The following RELN variants were observed in gnomAD, a reference collection of about 807,000 sequenced individuals.
The protein encoded by RELN is reelin.
A neutral mutation model predicts 427.6 loss-of-function variants in RELN; 108 were observed. The ratio of observed to expected loss-of-function variants is 0.25; its 90% CI spans 0.22 to 0.30. The LOEUF (loss-of-function observed/expected upper bound fraction) is 0.30, where lower values mean the gene tolerates loss of function less well. RELN is among the 10% of genes least tolerant of loss of function. The pLI, the probability that RELN is intolerant of heterozygous loss-of-function variation, is 1.00. For missense variants in RELN, 3,715 were observed against 4,302.8 expected, an observed-to-expected ratio of 0.86 and a Z score of 3.82; for synonymous variants, 1,524 against 1,513.4, an observed-to-expected ratio of 1.01 and a Z score of -0.16.
intron 3 of RELN, among the ~76,000 whole-genome samples, chr7:103,809,944 A>C (rs1459499299): frequency 6.6e-6 from 1 of 152,208 alleles, no homozygotes; most frequent in Non-Finnish European, 1.5e-5. Context: ...CATATTTTTT[A>C]ACCCACTAAA....
In RELN at chr7:103,787,501, T is replaced by C. The variant is rs1032198811; in HGVS notation, c.474-10874A>G. ...GTCACAATAAAAATGATAAACGGGG[T>C]ATCACCACTGATCCCACAGAAATAC... On this transcript the variant is annotated intron_variant, in intron 3 of 64. Transcript: ENST00000428762. Among the ~76,000 whole-genome samples, 8 of 151,980 alleles carry C rather than the reference T, an allele frequency of 5.3e-5. No homozygotes were observed. The East Asian group carries it at 9.7e-4, about 18-fold the overall frequency.
chr7:103,947,611 G>T (rs1250146443), intron 1 of RELN, among the ~76,000 whole-genome samples: 2 of 152,156 alleles, frequency 1.3e-5, no homozygotes, highest in Admixed American at 6.6e-5. Flanking sequence ...ATCCTCTAGA[G>T]CTGTGAGACA....
Position 103,989,191 on chromosome 7 carries a change from G to C in RELN, c.166C>G (p.Leu56Val), listed in dbSNP as rs777758550. The C allele has an allele frequency of 6.2e-7, 1 of 1,614,026 alleles. No homozygotes were observed. The highest frequency in any genetic ancestry group is 1.1e-5 in the South Asian group (1 of 91,090). The stretch of plus-strand genomic sequence containing the variant: ...TTGCCCGCAATATGCAGGGAAATGA[G>C]CACCTCGCCCTGCTCCCCATCCCCT... ...LEGDGEQGEV[L>V]ISLHIAGNPT... Residue 56 changes from leucine (L) to valine (V), a missense_variant, in exon 1 of 65, where the codon CTC (leucine) becomes GTC (valine). Around this residue, in one of 4 missense-constraint regions of RELN, gnomAD observed 2,208 missense variants for 2,361.7 expected, o/e 0.93. Transcript: ENST00000428762. This position sits in a 1 kb window ranked among gnomAD's most constrained non-coding sequence, Gnocchi z 4.9.
At chr7:103,552,734 T>A (rs1307968781) in intron 40 of RELN, among the ~76,000 whole-genome samples, 1 of 152,028 alleles carries the variant, frequency 6.6e-6, no homozygotes, top group Admixed American at 6.6e-5. Context: ...ACTCCTGACC[T>A]CATGATCTGC....
At chr7:103,770,592 G>A (rs934597956) in intron 4 of RELN, among the ~76,000 whole-genome samples, 2 of 152,102 alleles carry the variant, frequency 1.3e-5, no homozygotes, top group African/African-American at 4.8e-5. Flanking sequence ...TGGAGAGAGG[G>A]AGAGAAAATC....
chr7:103,900,506 A>G (rs941553450), intron 2 of RELN, among the ~76,000 whole-genome samples: 1 of 152,236 alleles, frequency 6.6e-6, no homozygotes, highest in East Asian at 1.9e-4. Context: ...CCTGGGCAAG[A>G]AAAACAAAGC....
chr7:103,664,528 A>G (rs1269754328), intron 11 of RELN, among the ~76,000 whole-genome samples: 2 of 152,200 alleles, frequency 1.3e-5, no homozygotes, highest in African/African-American at 4.8e-5. Flanking sequence ...TATATCTAGA[A>G]GTGGAGTTGC....
chr7:103,888,916 C>T (rs1244260798), intron 2 of RELN, among the ~76,000 whole-genome samples: 1 of 152,176 alleles, frequency 6.6e-6, no homozygotes, highest in African/African-American at 2.4e-5. Flanking sequence ...ACTTATCATC[C>T]TGGATTTCTG....
intron 1 of RELN, among the ~76,000 whole-genome samples, chr7:103,927,666 A>T (rs545235286): frequency 1.8e-4 from 28 of 152,290 alleles, no homozygotes; most frequent in African/African-American, 6.5e-4. Context: ...TGTACTTTTT[A>T]TTTTACAGCA....
chr7:103,738,384 T>A (rs994877271), intron 6 of RELN, among the ~76,000 whole-genome samples: 1 of 151,948 alleles, frequency 6.6e-6, no homozygotes, highest in Non-Finnish European at 1.5e-5. Context: ...CTATGTCTTA[T>A]TTTTTTCATT....
intron 20 of RELN, among the ~76,000 whole-genome samples, chr7:103,616,657 TAC>T (rs1424854820): frequency 6.6e-6 from 1 of 152,098 alleles, no homozygotes; most frequent in Non-Finnish European, 1.5e-5. Flanking sequence ...TTCTCATGTG[TAC>T]ACACACATAC....
intron 20 of RELN, 80 bp from the exon 21 acceptor site, chr7:103,611,883 T>A: frequency 9.3e-7 from 1 of 1,075,530 alleles, no homozygotes; most frequent in Non-Finnish European, 1.4e-6. Context: ...CTTCACACTA[T>A]ATACCAAAAT....
chr7:103,837,970 G>A (rs528381837), intron 2 of RELN, among the ~76,000 whole-genome samples: 1 of 152,254 alleles, frequency 6.6e-6, no homozygotes, highest in Admixed American at 6.5e-5. Flanking sequence ...CACTTTGGGA[G>A]GCCGAGGTGG....
chr7:103,586,492 C>T (rs1051519468), intron 28 of RELN, among the ~76,000 whole-genome samples: 4 of 152,074 alleles, frequency 2.6e-5, no homozygotes, highest in African/African-American at 9.7e-5. Context: ...GGATGCTCAC[C>T]CTCTCTACTC....
chr7:103,805,933 A>AT lies in RELN; in HGVS notation c.473+27603dup, dbSNP rs112996969. ...GCATTGACTCACTATGGTCCATAGA[A>AT]TTTTTTTTTCACACAAAAGAGAAAA... On this transcript the variant is annotated intron_variant, in intron 3 of 64. Transcript: ENST00000428762. Among the ~76,000 whole-genome samples the AT allele has an allele frequency of 8.6e-5, 13 of 151,838 alleles. 1 individual carries two copies. The highest frequency in any genetic ancestry group is 2.1e-4 in the South Asian group (1 of 4,810).
intron 51 of RELN, among the ~76,000 whole-genome samples, chr7:103,505,248 C>T (rs962774285): frequency 9.2e-5 from 14 of 152,198 alleles, no homozygotes; most frequent in Admixed American, 6.5e-5. Context: ...CAAGTGAAAC[C>T]CTGACCCCTG....
At chr7:103,971,139 T>G (rs1322198937) in intron 1 of RELN, among the ~76,000 whole-genome samples, 1 of 130,396 alleles carries the variant, frequency 7.7e-6, no homozygotes, top group East Asian at 2.1e-4. Flanking sequence ...GCGACAAGAG[T>G]GAGACTCTAT....
chr7:103,500,662 T>C lies in RELN; in HGVS notation c.8667+83A>G, dbSNP rs1828995544. ...CTGGGGGACCCAAAGGACATTGTTA[T>C]AGATTATGTCTCATACATAAGTTGG... On this transcript the variant is annotated intron_variant, in intron 53 of 64. Transcript: ENST00000428762. 9 of 1,383,034 alleles carry C rather than the reference T, an allele frequency of 6.5e-6. 1 individual carries two copies. Among genetic ancestry groups the C allele is most frequent in the South Asian group, 6.0e-5 (5 of 83,030 alleles). 85.7% of individuals were successfully genotyped at this position (1,383,034 alleles called of 1,614,324 possible).
intron 1 of RELN, among the ~76,000 whole-genome samples, chr7:103,922,196 T>C (rs1009361188): frequency 1.3e-5 from 2 of 152,100 alleles, no homozygotes; most frequent in East Asian, 3.8e-4. Context: ...AAAAATAAGT[T>C]TCCTCTGAAA....
Sources: allele counts gnomAD v4.1 joint callset (sites outside exome capture counted in the v4.1 genomes callset), GRCh38; gene constraint gnomAD v4.1.1; regional missense constraint gnomAD v4.1.1; non-coding constraint Gnocchi (gnomAD v3.1); transcripts MANE v1.5; gene names NCBI Gene and HGNC (gene_info 2026-07-23, HGNC 2026-07-21).